ZNF302: variants seen among roughly 807,000 people sequenced by gnomAD.
The protein encoded by ZNF302 is zinc finger protein 302.
A neutral mutation model predicts 10.8 loss-of-function variants in ZNF302; 12 were observed. That is an observed-to-expected ratio of 1.11 (90% CI 0.71 to 1.79). The LOEUF is 1.79. ZNF302 is among the 40% of genes most tolerant of loss of function. The pLI is 0.00. For synonymous variants in ZNF302, 178 were observed against 157.5 expected, an observed-to-expected ratio of 1.13 and a Z score of -0.98; for missense variants, 461 against 471.1, an observed-to-expected ratio of 0.98 and a Z score of 0.20.
chr19:34,677,376 C>T (rs548285410), upstream of ZNF302: 2 of 152,310 alleles, frequency 1.3e-5, no homozygotes, highest in African/African-American at 4.8e-5. Flanking sequence ...GTCCGGGCGC[C>T]ATGGCCCTTA....
At chr19:34,683,793 A>G (rs183819544) in intron 4 of ZNF302, among the ~76,000 whole-genome samples, 2 of 152,308 alleles carry the variant, frequency 1.3e-5, no homozygotes, top group Admixed American at 6.5e-5. Flanking sequence ...ATATAGTAGT[A>G]TCAATTCTGT....
At position 34,684,741 on chromosome 19, in the gene ZNF302, G is replaced by A. The variant is rs553974219; in HGVS notation, c.704G>A (p.Gly235Glu). 1 of 1,614,012 alleles carries A rather than the reference G, an allele frequency of 6.2e-7. No homozygotes were observed. The highest frequency in any genetic ancestry group is 2.2e-5 in the East Asian group (1 of 44,868). ...AAGCCCTATGAATGTCGTGAATGTG[G>A]GAAGACTTTTAGCCATGGTTCATCC... ...GEKPYECREC[G>E]KTFSHGSSLT... Residue 235 changes from glycine to glutamate, a missense_variant, in exon 5 of 5, where the codon GGG becomes GAG. Gly to Glu is a moderately conservative substitution (Grantham distance 98). Transcript: ENST00000505242.
chr19:34,683,626 A>G (rs1178418319), intron 4 of ZNF302, among the ~76,000 whole-genome samples: 4 of 152,230 alleles, frequency 2.6e-5, no homozygotes, highest in African/African-American at 9.6e-5. Context: ...AAATATGAAC[A>G]TATTAGAGGA....
At position 34,684,366 on chromosome 19, in the gene ZNF302, C is replaced by G; in HGVS notation, c.329C>G (p.Ser110Ter). ...GTTGTAAAACAAAGTTATGAATTTT[C>G]AAATTCTAATAAGAATTTGGAATAT... is the stretch of plus-strand genomic sequence containing the variant. ...EKVVKQSYEFSNSNKNLEYTE... is the reference protein window; with the variant it reads ...EKVVKQSYEF Residue 110 changes from serine (S) to a stop codon, truncating the protein, a stop_gained, in exon 5 of 5, where the codon TCA (serine) becomes TGA (stop). Transcript: ENST00000505242. LOFTEE classifies it low-confidence loss of function (END_TRUNC). The G allele has an allele frequency of 6.2e-7, 1 of 1,601,820 alleles. No homozygotes were observed. Among genetic ancestry groups the G allele is most frequent in the Non-Finnish European group, 8.5e-7 (1 of 1,176,258 alleles).
At position 34,685,074 on chromosome 19, in the gene ZNF302, G is replaced by A. The variant is rs548999725; in HGVS notation, c.1037G>A (p.Cys346Tyr). Residue 346 changes from cysteine to tyrosine, a missense_variant, in exon 5 of 5, where the codon TGT becomes TAT. By Grantham distance (194) the Cys-to-Tyr change is radical (BLOSUM62 -2). Coordinates refer to ENST00000505242, the MANE Select transcript of ZNF302 (RefSeq NM_001289187.2). ...TGEKPYECRE[C>Y]GKAFCCSSHL... ...GAGAAGCCTTATGAATGTAGAGAATGTGGGAAAGCTTTCTGCTGTAGCTCA... is the reference window on the plus strand; with the variant it reads ...GAGAAGCCTTATGAATGTAGAGAATATGGGAAAGCTTTCTGCTGTAGCTCA... The A allele has an allele frequency of 6.2e-7, 1 of 1,613,068 alleles. No individual in the cohort carries two copies. The highest frequency in any genetic ancestry group is 1.3e-5 in the African/African-American group (1 of 74,996).
Position 34,684,906 on chromosome 19 carries a change from G to A in ZNF302, c.869G>A (p.Cys290Tyr). 1 of 1,613,982 alleles carries A rather than the reference G, an allele frequency of 6.2e-7. No individual in the cohort carries two copies. Reference protein sequence around the residue: ...TGEKPYECMNCGKSFSRVSLL... With the variant: ...TGEKPYECMNYGKSFSRVSLL... ...GAGAAACCGTATGAATGTATGAACT[G>A]TGGAAAGTCTTTTAGTCGTGTGTCC... The change falls in exon 5 of 5, where the codon TGT becomes TAT. Residue 290 changes from cysteine to tyrosine, a missense_variant. Cys to Tyr is a radical substitution (Grantham distance 194, BLOSUM62 -2). Transcript: ENST00000505242.
chr19:34,682,469 A>G (rs2068404813), intron 2 of ZNF302: 2 of 244,142 alleles, frequency 8.2e-6, no homozygotes, highest in Non-Finnish European at 1.6e-5. Flanking sequence ...TGTGCTGTCA[A>G]ATGTCAAATG....
At position 34,685,017 on chromosome 19, in the gene ZNF302, C is replaced by G; in HGVS notation, c.980C>G (p.Ser327Cys). 1 of 1,613,582 alleles carries G rather than the reference C, an allele frequency of 6.2e-7. No individual in the cohort carries two copies. Among genetic ancestry groups the G allele is most frequent in the Non-Finnish European group, 8.5e-7 (1 of 1,179,782 alleles). ...ICGKAFIHSSSLIHHQKSHTG... is the reference protein window; with the variant it reads ...ICGKAFIHSSCLIHHQKSHTG... ...GGAAAGGCCTTCATTCATAGTTCGTCTCTCATTCACCATCAGAAAAGCCAT... is the reference window on the plus strand; with the variant it reads ...GGAAAGGCCTTCATTCATAGTTCGTGTCTCATTCACCATCAGAAAAGCCAT... The change falls in exon 5 of 5, where the codon TCT becomes TGT. Residue 327 changes from serine to cysteine, a missense_variant. Coordinates refer to ENST00000505242, the MANE Select transcript of ZNF302 (RefSeq NM_001289187.2).
Position 34,684,772 on chromosome 19 carries a change from A to G in ZNF302, c.735A>G (p.Thr245=). The G allele has an allele frequency of 1.2e-6, 2 of 1,613,986 alleles. No individual in the cohort carries two copies. Among genetic ancestry groups the G allele is most frequent in the East Asian group, 4.5e-5 (2 of 44,876 alleles). ...CTTTTAGCCATGGTTCATCCCTTAC[A>G]CGACATCAGATAAGCCATAGTGGAG... ...GKTFSHGSSL[T]RHQISHSGEK... The change falls in exon 5 of 5, where the codon ACA becomes ACG. Residue 245 remains threonine (T), a synonymous_variant. Transcript: ENST00000505242.
chr19:34,685,203 G>T lies in ZNF302; in HGVS notation c.1166G>T (p.Ser389Ile), dbSNP rs1484652481. The T allele has an allele frequency of 1.2e-6, 2 of 1,611,156 alleles. No individual in the cohort carries two copies. The highest frequency in any genetic ancestry group is 3.3e-5 in the Admixed American group (2 of 59,744). The change falls in exon 5 of 5, where the codon AGT becomes ATT. Residue 389 changes from serine (S) to isoleucine (I), a missense_variant. Transcript: ENST00000505242. ...TTCTCATTTCTTGTTCAACATCAGA[G>T]TATTCATACTGAAGAAAAACCGTTT... ...SSFSFLVQHQ[S>I]IHTEEKPFEV
Position 34,684,708 on chromosome 19 carries a change from C to T in ZNF302, c.671C>T (p.Thr224Ile). 1 of 1,614,002 alleles carries T rather than the reference C, an allele frequency of 6.2e-7. No homozygotes were observed. The change falls in exon 5 of 5, where the codon ACA becomes ATA. Residue 224 changes from threonine to isoleucine, a missense_variant. Coordinates refer to ENST00000505242, the MANE Select transcript of ZNF302 (RefSeq NM_001289187.2). ...CTCAGTCGCCACTGGAGAATTCATA[C>T]AGGAGAGAAGCCCTATGAATGTCGT... The part of the protein sequence containing the change: ...SILSRHWRIH[T>I]GEKPYECREC...
chr19:34,685,073 T>C lies in ZNF302; in HGVS notation c.1036T>C (p.Cys346Arg). 1 of 1,613,076 alleles carries C rather than the reference T, an allele frequency of 6.2e-7. No homozygotes were observed. The highest frequency in any genetic ancestry group is 8.5e-7 in the Non-Finnish European group (1 of 1,179,640). ...AGAGAAGCCTTATGAATGTAGAGAA[T>C]GTGGGAAAGCTTTCTGCTGTAGCTC... is the stretch of plus-strand genomic sequence containing the variant. ...TGEKPYECRE[C>R]GKAFCCSSHL... Residue 346 changes from cysteine to arginine, a missense_variant, in exon 5 of 5, where the codon TGT becomes CGT. By Grantham distance (180) the Cys-to-Arg change is radical. Transcript: ENST00000505242.
rs140162671 is a variant in ZNF302 at position 34,684,889 on chromosome 19, G to T, written c.852G>T (p.Pro284=). 6,915 of 1,613,844 alleles carry T rather than the reference G, an allele frequency of 4.3e-3. 22 individuals are homozygous for T. Among genetic ancestry groups the T allele is most frequent in the Non-Finnish European group, 5.5e-3 (6,497 of 1,179,828 alleles). ...AGAGCACTCACACGGGAGAGAAACC[G>T]TATGAATGTATGAACTGTGGAAAGT... is the stretch of plus-strand genomic sequence containing the variant. The part of the protein sequence containing the change: ...NHQSTHTGEK[P]YECMNCGKSF... The change falls in exon 5 of 5, where the codon CCG becomes CCT. Residue 284 remains proline, a synonymous_variant. Transcript: ENST00000505242.
intron 4 of ZNF302, chr19:34,683,988 A>G: frequency 7.0e-7 from 1 of 1,423,056 alleles, no homozygotes; most frequent in Non-Finnish European, 9.2e-7. Flanking sequence ...TCCATTTCGT[A>G]CAGCTTACCC....
chr19:34,678,525 T>C (rs182696360), intron 1 of ZNF302, among the ~76,000 whole-genome samples: 134 of 152,326 alleles, frequency 8.8e-4, no homozygotes, highest in African/African-American at 3.1e-3. Context: ...ACCGTTGTTT[T>C]ATGAGTCTTT....
chr19:34,678,274 CA>C (rs58776788), intron 1 of ZNF302, among the ~76,000 whole-genome samples, 171 bp downstream of exon 1: 1 of 151,092 alleles, frequency 6.6e-6, no homozygotes, highest in South Asian at 2.1e-4. Context: ...ACTAAAAATA[CA>C]AAAAAAAATT....
intron 2 of ZNF302, 117 bp downstream of exon 2, chr19:34,678,930 GT>G: frequency 8.0e-7 from 1 of 1,247,956 alleles, no homozygotes; most frequent in Admixed American, 1.9e-5. Context: ...TAGATCTATG[GT>G]TCCTTTCACT....
chr19:34,684,910 A>C lies in ZNF302; in HGVS notation c.873A>C (p.Gly291=), dbSNP rs1399059976. ...AACCGTATGAATGTATGAACTGTGG[A>C]AAGTCTTTTAGTCGTGTGTCCCTTC... ...GEKPYECMNC[G]KSFSRVSLLI... Residue 291 remains glycine (G), a synonymous_variant, in exon 5 of 5, where the codon GGA becomes GGC. Transcript: ENST00000505242. 6.2e-7 allele frequency: 1 copy of C among 1,613,984 alleles called. No homozygotes were observed. The highest frequency in any genetic ancestry group is 1.1e-5 in the South Asian group (1 of 91,074).
chr19:34,680,120 G>A (rs544912560), intron 2 of ZNF302, among the ~76,000 whole-genome samples: 1 of 152,316 alleles, frequency 6.6e-6, no homozygotes, highest in Non-Finnish European at 1.5e-5. Flanking sequence ...TAAGCCTGTA[G>A]TGAGCTATGA....
Sources: allele counts gnomAD v4.1 joint callset (sites outside exome capture counted in the v4.1 genomes callset), GRCh38; gene constraint gnomAD v4.1.1; transcripts MANE v1.5; gene names NCBI Gene and HGNC (gene_info 2026-07-23, HGNC 2026-07-21).